CSPP1: variants seen among roughly 807,000 people sequenced by gnomAD.
CSPP1 encodes centrosome and spindle pole associated protein 1.
Under a neutral mutation model 164.4 loss-of-function variants are expected in CSPP1, and 126 were observed. The observed-to-expected ratio is 0.77, with a 90% CI of 0.66 to 0.89. CSPP1 has a LOEUF of 0.89. Among genes scored for constraint, CSPP1 ranks in the 40% least tolerant of loss-of-function variants. The pLI, the probability that CSPP1 is intolerant of heterozygous loss-of-function variation, is 0.00. For missense variants in CSPP1, 1,395 were observed against 1,449.8 expected (o/e 0.96, Z 0.61); for synonymous variants, 472 against 476.7 (o/e 0.99, Z 0.13).
intron 25 of CSPP1, chr8:67,172,817 C>T (rs1011718178): frequency 3.2e-5 from 9 of 279,142 alleles, no homozygotes; most frequent in East Asian, 1.2e-4. Context: ...TAGACTAGTA[C>T]GAAGAATGGA....
At chr8:67,103,484 C>T (rs942248090) in intron 8 of CSPP1, among the ~76,000 whole-genome samples, 3 of 151,736 alleles carry the variant, frequency 2.0e-5, no homozygotes, top group African/African-American at 7.3e-5. Context: ...CATGGTGATG[C>T]AACTTGACTG....
intron 17 of CSPP1, among the ~76,000 whole-genome samples, chr8:67,146,104 G>A (rs2129557130): frequency 6.8e-6 from 1 of 147,912 alleles, no homozygotes; most frequent in Non-Finnish European, 1.5e-5. Context: ...ATTCTGTTTT[G>A]TAAGAGAATA....
chr8:67,098,588 G>C (rs1813346636), intron 7 of CSPP1, among the ~76,000 whole-genome samples: 6 of 151,262 alleles, frequency 4.0e-5, no homozygotes, highest in Admixed American at 4.0e-4. Context: ...GTGTATGTGT[G>C]TTGTTTATTT....
intron 5 of CSPP1, among the ~76,000 whole-genome samples, chr8:67,092,827 T>C (rs1395213804): frequency 6.6e-6 from 1 of 152,228 alleles, no homozygotes; most frequent in African/African-American, 2.4e-5. Context: ...TTTAATCATA[T>C]ATTTATGTTT....
At chr8:67,126,112 G>A (rs879476391) in intron 15 of CSPP1, among the ~76,000 whole-genome samples, 3 of 152,288 alleles carry the variant, frequency 2.0e-5, no homozygotes, top group Middle Eastern at 6.8e-3. Context: ...GATTACAGGC[G>A]TGAGCCACTG....
intron 20 of CSPP1, 149 bp from the exon 21 acceptor site, chr8:67,158,842 T>A (rs1586597873): frequency 1.1e-6 from 1 of 905,790 alleles, no homozygotes; most frequent in South Asian, 2.0e-5. Context: ...GCCTAATATT[T>A]TATTTTTAAG....
intron 3 of CSPP1, 69 bp downstream of exon 3, chr8:67,076,650 T>C: frequency 1.2e-6 from 1 of 865,536 alleles, no homozygotes; most frequent in Non-Finnish European, 1.8e-6. Flanking sequence ...GAGGTTTGTC[T>C]TGTCAGAAAA....
intron 7 of CSPP1, among the ~76,000 whole-genome samples, chr8:67,102,828 A>G (rs1814429258): frequency 6.6e-6 from 1 of 152,250 alleles, no homozygotes; most frequent in Non-Finnish European, 1.5e-5. Flanking sequence ...TAATCTTTTT[A>G]GAAAAGATTA....
intron 7 of CSPP1, among the ~76,000 whole-genome samples, chr8:67,097,864 A>G (rs1586056278): frequency 6.6e-6 from 1 of 151,990 alleles, no homozygotes; most frequent in East Asian, 1.9e-4. Flanking sequence ...TAGATTAAAC[A>G]TGAGGTTGAG....
chr8:67,097,624 G>A (rs759015548), intron 7 of CSPP1, among the ~76,000 whole-genome samples: 19 of 151,778 alleles, frequency 1.3e-4, no homozygotes, highest in Admixed American at 9.2e-4. Context: ...GTTTGTTTAC[G>A]TTTAGGGTGA....
intron 25 of CSPP1, 138 bp from the exon 26 acceptor site, chr8:67,175,158 A>G (rs1345316713): frequency 3.0e-6 from 2 of 675,574 alleles, no homozygotes; most frequent in East Asian, 5.1e-5. Context: ...CTGTCCTTTG[A>G]CTTTAGTGAT....
intron 28 of CSPP1, among the ~76,000 whole-genome samples, chr8:67,185,208 GTTGT>G (rs546048641): frequency 5.0e-4 from 76 of 152,116 alleles, no homozygotes; most frequent in Non-Finnish European, 1.0e-3. Context: ...TTGAGAAGTG[GTTGT>G]TTATCTCCGT....
At chr8:67,077,509 A>C (rs889670968) in intron 3 of CSPP1, among the ~76,000 whole-genome samples, 2 of 151,786 alleles carry the variant, frequency 1.3e-5, no homozygotes, top group African/African-American at 2.4e-5. Context: ...CTAATTGTTT[A>C]TATTTTTGGT....
At chr8:67,146,050 A>G (rs1824478591) in intron 17 of CSPP1, among the ~76,000 whole-genome samples, 1 of 151,666 alleles carries the variant, frequency 6.6e-6, no homozygotes, top group Non-Finnish European at 1.5e-5. Context: ...TCCAAGTATC[A>G]GGGGATTTTC....
At position 67,088,789 on chromosome 8, in the gene CSPP1, CGGGAGGCTG is replaced by C. The variant is rs879718771; in HGVS notation, c.303+2680_303+2688del. ...GCAGGCGCCTGTAGTCCCAGCTACTCGGGAGGCTGAGGCAGGAGAATGGCGTGAACCCTG... is the reference window on the plus strand; with the variant it reads ...GCAGGCGCCTGTAGTCCCAGCTACTCAGGCAGGAGAATGGCGTGAACCCTG... On this transcript the variant is annotated intron_variant, in intron 4 of 30. Coordinates refer to ENST00000678616, the MANE Select transcript of CSPP1 (RefSeq NM_001382391.1). Among the ~76,000 whole-genome samples the C allele has an allele frequency of 4.3e-4, 64 of 150,416 alleles. No individual in the cohort carries two copies. The East Asian group carries it at 0.013, about 30-fold the overall frequency.
Position 67,166,323 on chromosome 8 carries a change from C to G in CSPP1, c.2828+1815C>G, listed in dbSNP as rs188938897. ...CTCTGGATAATATATGTATGTTATA[C>G]TAAGTCATAAATATAAACATATCTA... On this transcript the variant is annotated intron_variant, in intron 24 of 30. Transcript: ENST00000678616. Among the ~76,000 whole-genome samples, 18 of 152,310 alleles carry G rather than the reference C, an allele frequency of 1.2e-4. No individual in the cohort carries two copies. In the East Asian group the frequency reaches 2.9e-3, roughly 24 times the overall value.
intron 17 of CSPP1, among the ~76,000 whole-genome samples, chr8:67,146,356 CA>C (rs773251175): frequency 2.0e-5 from 3 of 151,874 alleles, no homozygotes; most frequent in East Asian, 3.9e-4. Context: ...CTCCTGGCCT[CA>C]AATGATCCTC....
At chr8:67,121,754 A>G (rs1473793042) in intron 15 of CSPP1, among the ~76,000 whole-genome samples, 2 of 152,152 alleles carry the variant, frequency 1.3e-5, no homozygotes, top group Non-Finnish European at 2.9e-5. Flanking sequence ...TAAATGTTTG[A>G]TAGAATTCAC....
rs567063998 is a variant in CSPP1 at position 67,130,714 on chromosome 8, G to A, written c.1698-1237G>A. On this transcript the variant is annotated intron_variant, in intron 15 of 30. Transcript: ENST00000678616. ...TTAAAATTATAAAATCAGGCTGGGC[G>A]CAGTGGCTCATGCTTATAATCCCAG... Among the ~76,000 whole-genome samples, 12 of 152,312 alleles carry A rather than the reference G, an allele frequency of 7.9e-5. No homozygotes were observed. In the South Asian group the frequency reaches 8.3e-4, roughly 11 times the overall value.
Sources: allele counts gnomAD v4.1 joint callset (sites outside exome capture counted in the v4.1 genomes callset), GRCh38; gene constraint gnomAD v4.1.1; transcripts MANE v1.5; gene names NCBI Gene and HGNC (gene_info 2026-07-23, HGNC 2026-07-21).